The following ZFP82 variants were observed in gnomAD, a reference collection of about 807,000 sequenced individuals.
ZFP82 encodes the protein ZFP82 zinc finger protein.
A neutral mutation model predicts 54.0 loss-of-function variants in ZFP82; 30 were observed. The observed-to-expected ratio is 0.56, with a 90% CI of 0.42 to 0.75. The LOEUF (loss-of-function observed/expected upper bound fraction) is 0.75. Among genes scored for constraint, ZFP82 ranks in the 30% least tolerant of loss-of-function variants. The pLI is 0.00. For synonymous variants in ZFP82, 194 were observed against 209.5 expected (o/e 0.93, Z 0.64); for missense variants, 500 against 636.8 (o/e 0.79, Z 2.31).
At chr19:36,401,300 C>T (rs959240494) in intron 4 of ZFP82, among the ~76,000 whole-genome samples, 2 of 152,296 alleles carry the variant, frequency 1.3e-5, no homozygotes, top group African/African-American at 2.4e-5. Flanking sequence ...CAACTGCCTA[C>T]GCAACATCTC....
chr19:36,411,614 T>C (rs1356246094), intron 1 of ZFP82, among the ~76,000 whole-genome samples: 1 of 152,078 alleles, frequency 6.6e-6, no homozygotes, highest in Non-Finnish European at 1.5e-5. Flanking sequence ...TTGTTCATAA[T>C]GGAAAAAAGC....
chr19:36,393,202 G>A lies in ZFP82; in HGVS notation c.1138C>T (p.His380Tyr). The A allele has an allele frequency of 1.9e-6, 3 of 1,613,736 alleles. No individual in the cohort carries two copies. The highest frequency in any genetic ancestry group is 2.5e-6 in the Non-Finnish European group (3 of 1,179,966). Residue 380 changes from histidine to tyrosine, a missense_variant, in exon 5 of 5, where the codon CAT (histidine) becomes TAT (tyrosine). By Grantham distance (83) the His-to-Tyr change is moderately conservative (BLOSUM62 2). Coordinates refer to ENST00000392161, the MANE Select transcript of ZFP82 (RefSeq NM_133466.4). ...ECGKTFSRGYHLILHHRIHTG... is the reference protein window; with the variant it reads ...ECGKTFSRGYYLILHHRIHTG... ...TGAATTCTGTGATGGAGAATAAGAT[G>A]ATAACCACGGCTAAAGGTCTTTCCA...
chr19:36,387,480 CTT>C (rs1469965365), downstream of ZFP82, among the ~76,000 whole-genome samples: 2 of 152,188 alleles, frequency 1.3e-5, no homozygotes, highest in Non-Finnish European at 2.9e-5. Context: ...CTCTCTCTCT[CTT>C]ATCCTCTCTG....
intron 1 of ZFP82, among the ~76,000 whole-genome samples, chr19:36,414,222 T>C (rs1470568950): frequency 6.6e-6 from 1 of 151,886 alleles, no homozygotes; most frequent in Non-Finnish European, 1.5e-5. Flanking sequence ...ATTTAAAAAT[T>C]TGGTATTTGC....
At chr19:36,404,903 G>A (rs1006707883) in intron 4 of ZFP82, among the ~76,000 whole-genome samples, 4 of 152,212 alleles carry the variant, frequency 2.6e-5, no homozygotes, top group African/African-American at 9.6e-5. Context: ...CAAAAGAGGG[G>A]CTGGGCACAG....
At chr19:36,407,840 G>A (rs757697748) in intron 3 of ZFP82, 47 bp downstream of exon 3, 1 of 1,579,644 alleles carries the variant, frequency 6.3e-7, no homozygotes, top group South Asian at 1.1e-5. Context: ...GGAAAAAGCT[G>A]ATTTACAGAG....
intron 3 of ZFP82, among the ~76,000 whole-genome samples, chr19:36,407,069 AT>A (rs2032494037): frequency 1.4e-5 from 2 of 141,220 alleles, no homozygotes; most frequent in African/African-American, 5.2e-5. Flanking sequence ...TAGATTTTTA[AT>A]TTTCTTTTTT....
intron 4 of ZFP82, among the ~76,000 whole-genome samples, chr19:36,396,843 T>TA (rs5827958): frequency 0.65 from 91,358 of 140,938 alleles, 29,277 homozygotes; most frequent in Admixed American, 0.68. Flanking sequence ...TCTGTTTCTT[T>TA]AAAAAAAAAA....
chr19:36,408,652 C>G (rs12974564), intron 2 of ZFP82, among the ~76,000 whole-genome samples: 1 of 152,008 alleles, frequency 6.6e-6, no homozygotes, highest in African/African-American at 2.4e-5. Flanking sequence ...ACCCTTGTTT[C>G]TACTAAAAAT....
intron 4 of ZFP82, among the ~76,000 whole-genome samples, chr19:36,399,829 C>T (rs2032353369): frequency 6.6e-6 from 1 of 152,014 alleles, no homozygotes; most frequent in South Asian, 2.1e-4. Context: ...TGAAAGAAAA[C>T]ATAACAATCA....
downstream of ZFP82, among the ~76,000 whole-genome samples, chr19:36,388,540 T>C (rs1039812396): frequency 9.9e-5 from 15 of 152,120 alleles, no homozygotes; most frequent in Non-Finnish European, 1.8e-4. Flanking sequence ...TTGAAATATA[T>C]GTATATAGTA....
rs200441887 is a variant in ZFP82 at position 36,393,736 on chromosome 19, C to G, written c.604G>C (p.Glu202Gln). The G allele has an allele frequency of 4.2e-5, 68 of 1,614,052 alleles. No homozygotes were observed. In the Admixed American group the frequency reaches 9.3e-4, roughly 22 times the overall value. The change falls in exon 5 of 5, where the codon GAA becomes CAA. Residue 202 changes from glutamate to glutamine, a missense_variant. By Grantham distance (29) the Glu-to-Gln change is conservative. Transcript: ENST00000392161. ...GTCTGTCTGAAGGCCATCCCACATT[C>G]CTTACATTCATACGGTTTTTCACCA... ...HTGEKPYECK[E>Q]CGMAFRQTAH...
intron 1 of ZFP82, among the ~76,000 whole-genome samples, chr19:36,415,535 G>A (rs1409731020): frequency 6.6e-6 from 1 of 152,050 alleles, no homozygotes; most frequent in Non-Finnish European, 1.5e-5. Flanking sequence ...TTACAGGCAG[G>A]CGCCACTGTG....
chr19:36,402,947 G>C (rs1302035037), intron 4 of ZFP82, among the ~76,000 whole-genome samples: 1 of 151,826 alleles, frequency 6.6e-6, no homozygotes, highest in Non-Finnish European at 1.5e-5. Flanking sequence ...GACCATCCTG[G>C]CTAACACGGT....
rs2032329333 is a variant in ZFP82 at position 36,398,272 on chromosome 19, C to A, written c.230-4162G>T. 4.6e-5 allele frequency among the ~76,000 whole-genome samples: 7 copies of A among 152,310 alleles called. No homozygotes were observed. In the South Asian group the frequency reaches 1.4e-3, roughly 32 times the overall value. On this transcript the variant is annotated intron_variant, in intron 4 of 4. Transcript: ENST00000392161. ...GAATGTTTTAGGCTGGGCGCAGTGG[C>A]TCACACCTGTAATCCCAACACTTTG...
At position 36,409,783 on chromosome 19, in the gene ZFP82, G is replaced by T. The variant is rs761168964; in HGVS notation, c.7C>A (p.Leu3Ile). Residue 3 changes from leucine to isoleucine, a missense_variant and splice_region_variant, in exon 2 of 5, where the codon CTT (leucine) becomes ATT (isoleucine). Physicochemically the swap from Leu to Ile is conservative, Grantham distance 5. Coordinates refer to ENST00000392161, the MANE Select transcript of ZFP82 (RefSeq NM_133466.4). ...CCTAGGAGGAGAAAAAAACTTACAAGGGCCATGGTATAGAAATTCAAGAAC... is the reference window on the plus strand; with the variant it reads ...CCTAGGAGGAGAAAAAAACTTACAATGGCCATGGTATAGAAATTCAAGAAC... MA[L>I]RSVMFSDVSI... is the part of the protein sequence containing the mutation. The T allele has an allele frequency of 1.9e-6, 3 of 1,613,742 alleles. No homozygotes were observed. The South Asian group carries it at 3.3e-5, about 18-fold the overall frequency.
chr19:36,386,321 G>A (rs904849319), downstream of ZFP82, among the ~76,000 whole-genome samples: 2 of 152,258 alleles, frequency 1.3e-5, no homozygotes, highest in African/African-American at 4.8e-5. Flanking sequence ...TGGCAGGAGT[G>A]CAGAATGCAA....
intron 1 of ZFP82, among the ~76,000 whole-genome samples, chr19:36,416,801 G>C (rs548864283): frequency 4.0e-5 from 6 of 149,342 alleles, no homozygotes; most frequent in Non-Finnish European, 7.4e-5. Flanking sequence ...GGCTGGGGGC[G>C]GTGGCTCATG....
At chr19:36,402,624 G>A (rs1335695303) in intron 4 of ZFP82, among the ~76,000 whole-genome samples, 1 of 152,072 alleles carries the variant, frequency 6.6e-6, no homozygotes, top group African/African-American at 2.4e-5. Flanking sequence ...CCTAAAATAA[G>A]TGTCCTTAGC....
Sources: gnomAD v4.1 joint callset for allele counts (sites outside exome capture counted in the v4.1 genomes callset) on GRCh38, gnomAD v4.1.1 for gene constraint, MANE v1.5 for transcripts, NCBI Gene and HGNC (gene_info 2026-07-23, HGNC 2026-07-21) for gene names.